SASH1: variants seen among roughly 807,000 people sequenced by gnomAD.
SASH1 encodes the protein SAM and SH3 domain containing 1.
In SASH1, 44 loss-of-function variants were observed where a neutral mutation model predicts 125.2. The ratio of observed to expected loss-of-function variants is 0.35; its 90% confidence interval spans 0.28 to 0.45. SASH1 has a LOEUF of 0.45. Ranked by LOEUF, SASH1 falls within the 20% of genes least tolerant of loss-of-function variation. The pLI is 1.00. For synonymous variants in SASH1, 639 were observed against 649.1 expected, an observed-to-expected ratio of 0.98 and a Z score of 0.24; for missense variants, 1,426 against 1,614.5, an observed-to-expected ratio of 0.88 and a Z score of 2.00.
chr6:148,366,786 C>T (rs557734155), intron 1 of SASH1, among the ~76,000 whole-genome samples: 6 of 151,954 alleles, frequency 3.9e-5, no homozygotes, highest in Admixed American at 2.0e-4. Context: ...TTGGCAGAGA[C>T]GGGGTTTCAC....
At chr6:148,407,901 G>A (rs1784442739) in intron 2 of SASH1, among the ~76,000 whole-genome samples, 1 of 152,096 alleles carries the variant, frequency 6.6e-6, no homozygotes. Flanking sequence ...CCAAAGTGCT[G>A]GGATTACAGG....
At position 148,449,078 on chromosome 6, in the gene SASH1, C is replaced by CTTTTTTTTTTTTTTTTTTTTTTT; in HGVS notation, c.386+8686_386+8687insTTTTTTTTTTTTTTTTTTTTTTT. ...GAGACTGGCTAATTTCATTTCATTTCTTTTTTTTTTTTTTTGGAGACAGAG... is the reference window on the plus strand; with the variant it reads ...GAGACTGGCTAATTTCATTTCATTTCTTTTTTTTTTTTTTTTTTTTTTTTTTTTTTTTTTTTTTGGAGACAGAG... On this transcript the variant is annotated intron_variant, in intron 4 of 19. Transcript: ENST00000367467. Among the ~76,000 whole-genome samples, 48 of 88,674 alleles carry CTTTTTTTTTTTTTTTTTTTTTTT rather than the reference C, an allele frequency of 5.4e-4. 1 individual carries two copies. The highest frequency in any genetic ancestry group is 6.3e-3 in the Middle Eastern group (1 of 158). 58.2% of individuals were successfully genotyped at this position (88,674 alleles called of 152,430 possible).
In SASH1 at chr6:148,543,666, C is replaced by A. The variant is rs1464005637; in HGVS notation, c.2210-14C>A. ...TTTTAAAATGTGATTGTAAAATATTCCCTTGTCTCACAGGCAAGACTCGGA... is the reference window on the plus strand; with the variant it reads ...TTTTAAAATGTGATTGTAAAATATTACCTTGTCTCACAGGCAAGACTCGGA... On this transcript the variant is annotated splice_polypyrimidine_tract_variant and intron_variant, in intron 17 of 19. Transcript: ENST00000367467. 3 of 1,517,932 alleles carry A rather than the reference C, an allele frequency of 2.0e-6. No individual in the cohort carries two copies. The highest frequency in any genetic ancestry group is 2.6e-6 in the Non-Finnish European group (3 of 1,133,960). The allele number at this position is 1,517,932 out of a possible 1,614,324, so 94.0% of individuals were successfully genotyped here.
At chr6:148,274,793 G>A (rs1779143185) in intron 1 of SASH1, among the ~76,000 whole-genome samples, 1 of 152,164 alleles carries the variant, frequency 6.6e-6, no homozygotes, top group Admixed American at 6.5e-5. Flanking sequence ...CAGTGTGGCA[G>A]AGACTTCCAC....
chr6:148,331,788 C>T (rs1781002087), intron 1 of SASH1, among the ~76,000 whole-genome samples: 1 of 151,984 alleles, frequency 6.6e-6, no homozygotes, highest in East Asian at 1.9e-4. Flanking sequence ...ACCTCTCAGG[C>T]TCAGGTGATC....
chr6:148,372,017 C>G (rs1782724203), intron 1 of SASH1, among the ~76,000 whole-genome samples: 1 of 152,058 alleles, frequency 6.6e-6, no homozygotes. Context: ...TGCAAAATGC[C>G]TGGAAAAGGT....
At chr6:148,492,018 C>T (rs1291355045) in intron 8 of SASH1, among the ~76,000 whole-genome samples, 1 of 152,156 alleles carries the variant, frequency 6.6e-6, no homozygotes, top group Non-Finnish European at 1.5e-5. Context: ...CTGATTCAAA[C>T]CCAACTTGGG....
At chr6:148,302,772 GTA>G (rs1261660653) in intron 1 of SASH1, among the ~76,000 whole-genome samples, 42 of 146,414 alleles carry the variant, frequency 2.9e-4, no homozygotes, top group Non-Finnish European at 5.4e-4. Flanking sequence ...CTGTGTGTGT[GTA>G]TATATATATG....
intron 15 of SASH1, among the ~76,000 whole-genome samples, chr6:148,534,392 G>GGACTT (rs1222338346): frequency 1.3e-4 from 20 of 152,272 alleles, no homozygotes; most frequent in African/African-American, 3.9e-4. Flanking sequence ...TTGATCCTGA[G>GGACTT]GACTTAAAAG....
At chr6:148,464,965 C>T (rs1030330901) in intron 4 of SASH1, among the ~76,000 whole-genome samples, 4 of 152,054 alleles carry the variant, frequency 2.6e-5, no homozygotes, top group Admixed American at 2.6e-4. Context: ...TCAAGCAATG[C>T]CTGGGCCAAG....
At chr6:148,342,313 G>GT (rs936384891), upstream of SASH1, among the ~76,000 whole-genome samples, 7 of 152,218 alleles carry the variant, frequency 4.6e-5, no homozygotes, top group Non-Finnish European at 1.0e-4. Context: ...GAGGGGCGAG[G>GT]TATGCATTGT....
At chr6:148,241,781 G>A in the SASH1 span, among the ~76,000 whole-genome samples, 19,462 of 152,100 alleles carry the variant, frequency 0.13, 1,753 homozygotes, top group East Asian at 0.35. Context: ...ACTCCTTCAC[G>A]CTTCAACCTT....
At chr6:148,253,698 C>G in the SASH1 span, among the ~76,000 whole-genome samples, 1 of 151,982 alleles carries the variant, frequency 6.6e-6, no homozygotes. Context: ...TGGTGAAACC[C>G]CATCTTTACT....
At chr6:148,473,206 A>G (rs997502441) in intron 6 of SASH1, among the ~76,000 whole-genome samples, 1 of 152,182 alleles carries the variant, frequency 6.6e-6, no homozygotes, top group African/African-American at 2.4e-5. Flanking sequence ...CTTCTGATTA[A>G]CTCAACATGC....
intron 2 of SASH1, chr6:148,393,763 G>T: frequency 1.0e-6 from 1 of 982,286 alleles, no homozygotes; most frequent in Non-Finnish European, 1.2e-6. Flanking sequence ...AAAGGTGCAA[G>T]AATTTGGTGG....
intron 1 of SASH1, among the ~76,000 whole-genome samples, chr6:148,282,860 G>C (rs1779378883): frequency 6.6e-6 from 1 of 152,046 alleles, no homozygotes; most frequent in South Asian, 2.1e-4. Flanking sequence ...TCCAACCCTA[G>C]TCCCCCTCCC....
intron 1 of SASH1, among the ~76,000 whole-genome samples, chr6:148,375,561 A>G (rs955709818): frequency 6.6e-6 from 1 of 152,194 alleles, no homozygotes; most frequent in African/African-American, 2.4e-5. Context: ...GCAAAAGTAA[A>G]AGCCTTTTAT....
At chr6:148,536,545 G>A (rs1781857988) in intron 16 of SASH1, among the ~76,000 whole-genome samples, 1 of 152,128 alleles carries the variant, frequency 6.6e-6, no homozygotes, top group Non-Finnish European at 1.5e-5. Context: ...TCACCATGAT[G>A]GCCAAGCTGG....
intron 7 of SASH1, among the ~76,000 whole-genome samples, 165 bp downstream of exon 7, chr6:148,474,387 C>T (rs541416518): frequency 6.6e-5 from 10 of 152,180 alleles, no homozygotes; most frequent in African/African-American, 2.2e-4. Context: ...GGTGAAACTT[C>T]TATGGTCAAT....
Sources: allele counts gnomAD v4.1 joint callset (sites outside exome capture counted in the v4.1 genomes callset), GRCh38; gene constraint gnomAD v4.1.1; transcripts MANE v1.5; gene names NCBI Gene and HGNC (gene_info 2026-07-23, HGNC 2026-07-21).